HOMER2: variants seen among roughly 807,000 people sequenced by gnomAD.
HOMER2 encodes the protein homer protein homolog 2.
HOMER2 carries 27 observed loss-of-function variants against 47.0 expected under a neutral mutation model. The observed-to-expected ratio is 0.57, with a 90% confidence interval of 0.42 to 0.79. The LOEUF is 0.79. Among genes scored for constraint, HOMER2 ranks in the 30% least tolerant of loss-of-function variants. HOMER2 has a pLI of 0.00. For missense variants in HOMER2, 443 were observed against 435.0 expected (o/e 1.02, Z -0.16); for synonymous variants, 161 against 163.8 (o/e 0.98, Z 0.13).
At chr15:82,957,634 T>C (rs1383646673), upstream of HOMER2, among the ~76,000 whole-genome samples, 3 of 152,116 alleles carry the variant, frequency 2.0e-5, no homozygotes, top group Non-Finnish European at 4.4e-5. Flanking sequence ...CTATGGGCTG[T>C]CTCTTTAAGA....
At chr15:82,848,310 G>T (rs942542420), downstream of HOMER2, among the ~76,000 whole-genome samples, 1 of 152,158 alleles carries the variant, frequency 6.6e-6, no homozygotes, top group African/African-American at 2.4e-5. Context: ...TTTCTAGAAG[G>T]AGTAGTCCTC....
At chr15:82,894,104 C>G (rs2151103273) in intron 1 of HOMER2, among the ~76,000 whole-genome samples, 4 of 152,240 alleles carry the variant, frequency 2.6e-5, no homozygotes, top group Middle Eastern at 6.8e-3. Flanking sequence ...ATTCTTGCCT[C>G]TATATTGTTG....
chr15:82,962,145 C>T (rs1002712416), intron 1 of HOMER2, among the ~76,000 whole-genome samples: 30 of 151,328 alleles, frequency 2.0e-4, no homozygotes, highest in Non-Finnish European at 3.5e-4. Context: ...CCGAGGCGGG[C>T]GGATCACGAG....
At chr15:82,871,274 T>TG (rs1484265698) in intron 3 of HOMER2, among the ~76,000 whole-genome samples, 5 of 152,206 alleles carry the variant, frequency 3.3e-5, no homozygotes, top group Admixed American at 2.0e-4. Context: ...ATTTTCTTTC[T>TG]GGGGGGTAGA....
At chr15:82,894,425 G>A (rs1668361007) in intron 1 of HOMER2, among the ~76,000 whole-genome samples, 1 of 152,144 alleles carries the variant, frequency 6.6e-6, no homozygotes, top group African/African-American at 2.4e-5. Flanking sequence ...CCATCAACGT[G>A]TAAAAATAGT....
At chr15:82,916,491 A>T (rs150811224) in intron 1 of HOMER2, among the ~76,000 whole-genome samples, 2 of 152,142 alleles carry the variant, frequency 1.3e-5, no homozygotes, top group African/African-American at 4.8e-5. Flanking sequence ...GAATAGGTCT[A>T]TTGCATGCAT....
exon 2 of HOMER2, chr15:82,958,840 C>T (rs1244009696): frequency 6.6e-6 from 1 of 152,316 alleles, no homozygotes; most frequent in African/African-American, 2.4e-5. Context: ...CTGGCTGCCT[C>T]CCAGCAGAAT....
chr15:82,955,799 C>G (rs140296606), upstream of HOMER2, among the ~76,000 whole-genome samples: 1 of 152,286 alleles, frequency 6.6e-6, no homozygotes, highest in East Asian at 1.9e-4. Context: ...GCAAAACAGA[C>G]GTCCTTCTGT....
At chr15:82,879,489 C>T (rs920549559) in intron 2 of HOMER2, among the ~76,000 whole-genome samples, 2 of 151,984 alleles carry the variant, frequency 1.3e-5, no homozygotes, top group African/African-American at 4.8e-5. Flanking sequence ...AAAAGTGAGA[C>T]CCTACCTCTA....
chr15:82,967,676 C>T (rs1025741332), intron 1 of HOMER2, among the ~76,000 whole-genome samples: 1 of 152,096 alleles, frequency 6.6e-6, no homozygotes, highest in Non-Finnish European at 1.5e-5. Flanking sequence ...GAGTTCGAGA[C>T]CAGCCTGGCC....
chr15:82,881,590 G>A (rs1045092920), intron 2 of HOMER2, among the ~76,000 whole-genome samples: 3 of 152,184 alleles, frequency 2.0e-5, no homozygotes, highest in Non-Finnish European at 4.4e-5. Flanking sequence ...CCTTCCTTAT[G>A]CTTGCTCCCT....
At chr15:82,982,610 C>T (rs77856557) in intron 1 of HOMER2, among the ~76,000 whole-genome samples, 1,936 of 152,248 alleles carry the variant, frequency 0.013, 30 homozygotes, top group South Asian at 0.049. Context: ...GTCATGTTGG[C>T]ACTCAAAAAG....
At chr15:82,874,487 C>T (rs1043588678) in intron 3 of HOMER2, among the ~76,000 whole-genome samples, 1 of 152,208 alleles carries the variant, frequency 6.6e-6, no homozygotes. Flanking sequence ...CAGAGGCGAT[C>T]AGTTTATTCC....
chr15:82,856,447 C>G (rs908627763), intron 5 of HOMER2, among the ~76,000 whole-genome samples: 1 of 151,950 alleles, frequency 6.6e-6, no homozygotes, highest in Non-Finnish European at 1.5e-5. Context: ...AAGACCTCAT[C>G]TCTACAAAAA....
chr15:82,836,647 G>C (rs1171241362), downstream of HOMER2, among the ~76,000 whole-genome samples: 1 of 152,236 alleles, frequency 6.6e-6, no homozygotes, highest in Non-Finnish European at 1.5e-5. Context: ...ACTGGCATCT[G>C]CTCCTAGTAC....
chr15:82,930,218 A>C (rs1443931280), intron 1 of HOMER2, among the ~76,000 whole-genome samples: 1 of 152,214 alleles, frequency 6.6e-6, no homozygotes, highest in Non-Finnish European at 1.5e-5. Flanking sequence ...GTGTGACCTT[A>C]ACCAAGTCAC....
intron 1 of HOMER2, among the ~76,000 whole-genome samples, chr15:82,911,136 C>T (rs535088136): frequency 6.6e-6 from 1 of 152,324 alleles, no homozygotes; most frequent in African/African-American, 2.4e-5. Context: ...CCACCTTAGA[C>T]AGCTCAACCC....
chr15:82,846,936 G>A (rs1748520694), downstream of HOMER2: 5 of 152,338 alleles, frequency 3.3e-5, no homozygotes, highest in Admixed American at 6.5e-5. Context: ...TGGTTAAAGG[G>A]TTCCAAGTTT....
intron 3 of HOMER2, among the ~76,000 whole-genome samples, chr15:82,866,085 G>C (rs1017491380): frequency 6.6e-6 from 1 of 152,142 alleles, no homozygotes; most frequent in African/African-American, 2.4e-5. Context: ...CGTGTGCCTG[G>C]GTAAAGCCAC....
Sources: allele counts gnomAD v4.1 joint callset (sites outside exome capture counted in the v4.1 genomes callset), GRCh38; gene constraint gnomAD v4.1.1; transcripts MANE v1.5; gene names NCBI Gene and HGNC (gene_info 2026-07-23, HGNC 2026-07-21).